CTTNBP2: variants seen among roughly 807,000 people sequenced by gnomAD.
CTTNBP2 encodes cortactin-binding protein 2.
Under a neutral mutation model 156.9 loss-of-function variants are expected in CTTNBP2, and 108 were observed. That is an observed-to-expected ratio of 0.69 (90% CI 0.59 to 0.81). CTTNBP2 has a LOEUF of 0.81. CTTNBP2 is among the 30% of genes least tolerant of loss of function. The pLI is 0.00. For synonymous variants in CTTNBP2, 767 were observed against 751.8 expected (o/e 1.02, Z -0.33); for missense variants, 1,924 against 2,035.4 (o/e 0.95, Z 1.05).
At chr7:117,767,631 A>G (rs926534926) in intron 8 of CTTNBP2, among the ~76,000 whole-genome samples, 1 of 152,244 alleles carries the variant, frequency 6.6e-6, no homozygotes, top group Non-Finnish European at 1.5e-5. Context: ...AATTTTAACA[A>G]TTCTAAGAGT....
intron 21 of CTTNBP2, 130 bp downstream of exon 21, chr7:117,719,374 T>TG (rs1794648862): frequency 2.4e-6 from 2 of 834,472 alleles, no homozygotes; most frequent in South Asian, 4.9e-5. Flanking sequence ...CTAAGCAAGG[T>TG]GAGGGATGGT....
intron 2 of CTTNBP2, among the ~76,000 whole-genome samples, chr7:117,816,867 C>T (rs1458372472): frequency 1.3e-5 from 2 of 151,826 alleles, no homozygotes; most frequent in Non-Finnish European, 2.9e-5. Context: ...TTTGAGGAGG[C>T]CTGACCCTAA....
intron 12 of CTTNBP2, among the ~76,000 whole-genome samples, chr7:117,754,887 C>T (rs1796802739): frequency 6.6e-6 from 1 of 152,162 alleles, no homozygotes; most frequent in Non-Finnish European, 1.5e-5. Flanking sequence ...TTTCATTTTA[C>T]AGATTTGCTA....
intron 9 of CTTNBP2, among the ~76,000 whole-genome samples, chr7:117,766,499 C>A (rs1202167205): frequency 6.6e-6 from 1 of 152,052 alleles, no homozygotes; most frequent in Non-Finnish European, 1.5e-5. Context: ...AGCTGGCTGA[C>A]TGGATGGATT....
At chr7:117,779,946 G>A (rs1798319165) in intron 7 of CTTNBP2, among the ~76,000 whole-genome samples, 1 of 152,162 alleles carries the variant, frequency 6.6e-6, no homozygotes, top group South Asian at 2.1e-4. Flanking sequence ...TTTCAGTAGA[G>A]ACGGGGTTTC....
At chr7:117,726,837 C>T (rs1250973850) in intron 17 of CTTNBP2, among the ~76,000 whole-genome samples, 2 of 152,146 alleles carry the variant, frequency 1.3e-5, no homozygotes, top group African/African-American at 2.4e-5. Flanking sequence ...AAGTGAAGCT[C>T]AGGCTGCCTG....
chr7:117,777,994 T>A (rs1798200259), intron 7 of CTTNBP2, among the ~76,000 whole-genome samples: 1 of 152,174 alleles, frequency 6.6e-6, no homozygotes, highest in Non-Finnish European at 1.5e-5. Context: ...TTGTAATCAT[T>A]TCTACCTACC....
intron 8 of CTTNBP2, among the ~76,000 whole-genome samples, chr7:117,776,331 G>A (rs1197193844): frequency 6.6e-6 from 1 of 152,050 alleles, no homozygotes; most frequent in Non-Finnish European, 1.5e-5. Context: ...TCTTCTTGAT[G>A]TTGTTGCTAA....
intron 3 of CTTNBP2, among the ~76,000 whole-genome samples, chr7:117,810,282 C>A (rs929403178): frequency 2.6e-5 from 4 of 152,132 alleles, no homozygotes; most frequent in African/African-American, 9.7e-5. Flanking sequence ...AACATGCATT[C>A]CATTTTCTTC....
chr7:117,792,024 G>C lies in CTTNBP2; in HGVS notation c.1172C>G (p.Thr391Arg), dbSNP rs1468585722. The C allele has an allele frequency of 6.2e-7, 1 of 1,614,104 alleles. No individual in the cohort carries two copies. The highest frequency in any genetic ancestry group is 8.5e-7 in the Non-Finnish European group (1 of 1,180,038). ...GGGTGTGCTACTGGTTGGATCTGGT[G>C]TTGAGCCAGTGCTTGGTCCATTTTC... ...IEENGPSTGSTPDPTSSTPPL... is the reference protein window; with the variant it reads ...IEENGPSTGSRPDPTSSTPPL... The change falls in exon 4 of 23, where the codon ACA (threonine) becomes AGA (arginine). Residue 391 changes from threonine (T) to arginine (R), a missense_variant. Thr to Arg is a moderately conservative substitution (Grantham distance 71). Coordinates refer to ENST00000160373, the MANE Select transcript of CTTNBP2 (RefSeq NM_033427.3). The surrounding 1 kb of genome is among the most constrained non-coding windows in gnomAD (Gnocchi z 4.2).
At chr7:117,736,823 A>C (rs545775777) in intron 14 of CTTNBP2, among the ~76,000 whole-genome samples, 2 of 152,306 alleles carry the variant, frequency 1.3e-5, no homozygotes, top group South Asian at 4.1e-4. Flanking sequence ...TAGTTTCTTG[A>C]AGATTCTAAG....
intron 6 of CTTNBP2, among the ~76,000 whole-genome samples, chr7:117,782,405 A>G (rs1228887028): frequency 6.6e-6 from 1 of 152,204 alleles, no homozygotes; most frequent in African/African-American, 2.4e-5. Context: ...TTTGTTTTAA[A>G]TGGTAAAACA....
Position 117,873,328 on chromosome 7 carries a change from CG to C in CTTNBP2, c.81+6del. On this transcript the variant is annotated splice_donor_region_variant and intron_variant, in intron 1 of 22. Transcript: ENST00000160373. The stretch of plus-strand genomic sequence containing the variant: ...TAGCCCCGCGCCCGCCCCGGGAACT[CG>C]GTTACCGCCGCCTCCGCCGCGGCCC... 2 of 1,441,722 alleles carry C rather than the reference CG, an allele frequency of 1.4e-6. No individual in the cohort carries two copies. Among genetic ancestry groups the C allele is most frequent in the Non-Finnish European group, 1.8e-6 (2 of 1,101,518 alleles). 89.3% of individuals were successfully genotyped at this position (1,441,722 alleles called of 1,614,324 possible). A position where few individuals can be genotyped will look rare whatever the true frequency, so the allele number is the denominator to read the frequency against.
chr7:117,718,866 A>G (rs1410702765), intron 21 of CTTNBP2, among the ~76,000 whole-genome samples: 1 of 152,204 alleles, frequency 6.6e-6, no homozygotes, highest in East Asian at 1.9e-4. Context: ...TGTGGAAAGG[A>G]AAAATATCTG....
rs1055885255 is a variant in CTTNBP2, at chr7:117,873,345, G to A, written c.71C>T (p.Ala24Val). 70 of 1,449,186 alleles carry A rather than the reference G, an allele frequency of 4.8e-5. No homozygotes were observed. The highest frequency in any genetic ancestry group is 6.2e-5 in the Non-Finnish European group (68 of 1,105,250). The allele number at this position is 1,449,186 out of a possible 1,614,324, so 89.8% of individuals were successfully genotyped here. A position where few individuals can be genotyped will look rare whatever the true frequency, so the allele number is the denominator to read the frequency against. Residue 24 changes from alanine (A) to valine (V), a missense_variant, in exon 1 of 23, where the codon GCG becomes GTG. Ala to Val is a moderately conservative substitution (Grantham distance 64). Transcript: ENST00000160373. ...RAPEDAAGAA[A>V]EAAKKEFDVD... ...CGGGAACTCGGTTACCGCCGCCTCC[G>A]CCGCGGCCCCCGCCGCGTCCTCCGG...
At chr7:117,811,013 A>G (rs1243711228) in intron 2 of CTTNBP2, 24 bp from the exon 3 acceptor site, 2 of 1,524,204 alleles carry the variant, frequency 1.3e-6, no homozygotes, top group Non-Finnish European at 1.8e-6. Flanking sequence ...AGAGAAATGT[A>G]TTGAAGAAAG....
intron 8 of CTTNBP2, among the ~76,000 whole-genome samples, chr7:117,769,351 T>C (rs1374894813): frequency 2.0e-5 from 3 of 152,106 alleles, no homozygotes; most frequent in African/African-American, 4.8e-5. Context: ...CAGAACCTTC[T>C]TGGATGGTGG....
intron 16 of CTTNBP2, among the ~76,000 whole-genome samples, chr7:117,728,695 T>C (rs1175675784): frequency 6.6e-6 from 1 of 152,254 alleles, no homozygotes; most frequent in African/African-American, 2.4e-5. Context: ...ATTATTAAAT[T>C]AAGCTGACTA....
intron 8 of CTTNBP2, among the ~76,000 whole-genome samples, chr7:117,777,086 C>G (rs1171052122): frequency 6.6e-6 from 1 of 152,136 alleles, no homozygotes; most frequent in African/African-American, 2.4e-5. Flanking sequence ...GGTAAGAAAG[C>G]ACAGTTAGGG....
Sources: gnomAD v4.1 joint callset for allele counts (sites outside exome capture counted in the v4.1 genomes callset) on GRCh38, gnomAD v4.1.1 for gene constraint, Gnocchi (gnomAD v3.1) non-coding constraint, MANE v1.5 for transcripts, NCBI Gene and HGNC (gene_info 2026-07-23, HGNC 2026-07-21) for gene names.